The following SLC16A2 variants were observed in gnomAD, a reference collection of about 807,000 sequenced individuals.
The protein encoded by SLC16A2 is monocarboxylate transporter 8.
SLC16A2 carries 3 observed loss-of-function variants against 27.2 expected under a neutral mutation model. That is an observed-to-expected ratio of 0.11 (90% confidence interval 0.05 to 0.28). SLC16A2 has a LOEUF of 0.28. SLC16A2 is among the 10% of genes least tolerant of loss of function. The pLI, the probability that SLC16A2 is intolerant of heterozygous loss-of-function variation, is 1.00. For missense variants in SLC16A2, 295 were observed against 458.5 expected, an observed-to-expected ratio of 0.64 and a Z score of 3.26; for synonymous variants, 202 against 187.8, an observed-to-expected ratio of 1.08 and a Z score of -0.62.
intron 1 of SLC16A2, among the ~76,000 whole-genome samples, chrX:74,461,572 C>T (rs1264482046): frequency 4.5e-5 from 5 of 111,118 alleles, no homozygotes; most frequent in Non-Finnish European, 9.4e-5. Flanking sequence ...CTCTGCTTGG[C>T]GGTTCCCTCA....
At position 74,422,052 on chromosome X, in the gene SLC16A2, G is replaced by C; in HGVS notation, c.415G>C (p.Val139Leu). 1 of 1,209,290 alleles carries C rather than the reference G, an allele frequency of 8.3e-7. No individual in the cohort carries two copies. The highest frequency in any genetic ancestry group is 1.1e-6 in the Non-Finnish European group (1 of 894,850). Residue 139 changes from valine to leucine, a missense_variant, in exon 1 of 6, where the codon GTG becomes CTG. By Grantham distance (32) the Val-to-Leu change is conservative. Coordinates refer to ENST00000587091, the MANE Select transcript of SLC16A2 (RefSeq NM_006517.5). ...LEEEKEKNRQ[V>L]EFQAAWVGAL... ...GGAGGAAAAGGAAAAAAATCGCCAA[G>C]TGGAGTTCCAAGCAGGTGAGTGGCC...
intron 5 of SLC16A2, 127 bp from the exon 6 acceptor site, chrX:74,531,206 C>T (rs1053587725): frequency 3.6e-6 from 2 of 559,792 alleles, no homozygotes; most frequent in African/African-American, 4.5e-5. Context: ...TGAGGGAGCT[C>T]CTGAGTTAAG....
intron 1 of SLC16A2, among the ~76,000 whole-genome samples, chrX:74,499,524 G>A (rs1929992756): frequency 9.5e-6 from 1 of 105,243 alleles, no homozygotes; most frequent in Non-Finnish European, 1.9e-5. Flanking sequence ...CCCAGTCTCA[G>A]CTCACTGCAA....
At chrX:74,517,060 A>T (rs1930327499) in intron 1 of SLC16A2, among the ~76,000 whole-genome samples, 1 of 111,873 alleles carries the variant, frequency 8.9e-6, no homozygotes, top group South Asian at 3.7e-4. Flanking sequence ...CTTTGTGGTG[A>T]TGGAATAGTT....
chrX:74,529,864 T>A (rs1930540403), intron 5 of SLC16A2, among the ~76,000 whole-genome samples: 1 of 107,503 alleles, frequency 9.3e-6, no homozygotes, highest in Admixed American at 1.0e-4. Flanking sequence ...GACATCCTCC[T>A]CCTCCTCTGC....
intron 1 of SLC16A2, chrX:74,473,303 T>G (rs751371445): frequency 8.8e-6 from 5 of 567,091 alleles, no homozygotes; most frequent in Non-Finnish European, 1.2e-5. Context: ...CCATGACAAC[T>G]GAAGCTTCCT....
intron 1 of SLC16A2, among the ~76,000 whole-genome samples, chrX:74,441,495 A>G (rs1478933012): frequency 1.8e-5 from 2 of 112,290 alleles, no homozygotes; most frequent in African/African-American, 6.5e-5. Context: ...GGTTTCTGCA[A>G]ACAATGGGTG....
chrX:74,427,773 A>G (rs1229920474), intron 1 of SLC16A2, among the ~76,000 whole-genome samples: 2 of 107,094 alleles, frequency 1.9e-5, no homozygotes, highest in Non-Finnish European at 3.8e-5. Flanking sequence ...ACACATATAC[A>G]CATGTGCGCA....
At chrX:74,451,373 T>C (rs1928937786) in intron 1 of SLC16A2, among the ~76,000 whole-genome samples, 1 of 112,387 alleles carries the variant, frequency 8.9e-6, no homozygotes, top group Admixed American at 9.5e-5. Flanking sequence ...TCCCTCCTCC[T>C]TGACACATAC....
At chrX:74,462,482 G>A (rs1929168836) in intron 1 of SLC16A2, among the ~76,000 whole-genome samples, 1 of 111,521 alleles carries the variant, frequency 9.0e-6, no homozygotes, top group Non-Finnish European at 1.9e-5. Context: ...ACCATGCCCA[G>A]CTAATTTTTG....
chrX:74,428,467 A>G lies in SLC16A2; in HGVS notation c.430+6400A>G, dbSNP rs747768102. On this transcript the variant is annotated intron_variant, in intron 1 of 5. Transcript: ENST00000587091. ...CAGTGCATTTTTTATCACGTTTGCT[A>G]TATGTGCCATACCCTTTTTTCCCAG... 3.6e-5 allele frequency among the ~76,000 whole-genome samples: 4 copies of G among 111,613 alleles called. No homozygotes were observed. The Admixed American group carries it at 3.8e-4, about 11-fold the overall frequency.
At chrX:74,509,280 A>G (rs1166490324) in intron 1 of SLC16A2, among the ~76,000 whole-genome samples, 1 of 111,119 alleles carries the variant, frequency 9.0e-6, no homozygotes, top group Non-Finnish European at 1.9e-5. Context: ...TCCTAACCGT[A>G]GTGTGGAACC....
intron 1 of SLC16A2, among the ~76,000 whole-genome samples, chrX:74,453,925 T>C (rs1228404908): frequency 9.8e-5 from 11 of 112,308 alleles, no homozygotes; most frequent in Non-Finnish European, 1.7e-4. Context: ...TATTTTGATA[T>C]ATGCATACAA....
chrX:74,422,146 G>T, intron 1 of SLC16A2, 79 bp downstream of exon 1: 1 of 1,002,975 alleles, frequency 1.0e-6, no homozygotes. Context: ...ATACCTCCCG[G>T]TCCGAGGCGC....
intron 1 of SLC16A2, among the ~76,000 whole-genome samples, chrX:74,485,426 A>T (rs1929698757): frequency 2.7e-5 from 3 of 109,757 alleles, no homozygotes; most frequent in Non-Finnish European, 5.7e-5. Flanking sequence ...TATCTTTGCA[A>T]CTTATAACTG....
intron 1 of SLC16A2, among the ~76,000 whole-genome samples, chrX:74,479,328 G>A (rs1929562566): frequency 8.9e-6 from 1 of 112,076 alleles, no homozygotes; most frequent in Non-Finnish European, 1.9e-5. Flanking sequence ...ATGGTTTTCA[G>A]CTCCATCAGG....
chrX:74,527,809 G>A (rs1005356925), intron 4 of SLC16A2, among the ~76,000 whole-genome samples: 3 of 112,384 alleles, frequency 2.7e-5, no homozygotes, highest in Non-Finnish European at 5.6e-5. Flanking sequence ...AGGGTCCTTT[G>A]TGTTATATAA....
chrX:74,462,269 G>C (rs1045938798), intron 1 of SLC16A2, among the ~76,000 whole-genome samples: 1 of 112,027 alleles, frequency 8.9e-6, no homozygotes, highest in Admixed American at 9.5e-5. Flanking sequence ...TTTGTTTCTC[G>C]AGTAGCCTGA....
chrX:74,496,908 G>A (rs1929946564), intron 1 of SLC16A2, among the ~76,000 whole-genome samples: 1 of 111,908 alleles, frequency 8.9e-6, no homozygotes, highest in Non-Finnish European at 1.9e-5. Context: ...GGGGCTGTTC[G>A]AGGCCTGCAG....
Sources: allele counts gnomAD v4.1 joint callset (sites outside exome capture counted in the v4.1 genomes callset), GRCh38; gene constraint gnomAD v4.1.1; transcripts MANE v1.5; gene names NCBI Gene and HGNC (gene_info 2026-07-23, HGNC 2026-07-21).